PPP2R2B: variants seen among roughly 807,000 people sequenced by gnomAD.
PPP2R2B encodes the protein serine/threonine-protein phosphatase 2A 55 kDa regulatory subunit B beta isoform.
In PPP2R2B, 5 loss-of-function variants were observed where a neutral mutation model predicts 46.0. The observed-to-expected ratio is 0.11, with a 90% CI of 0.06 to 0.23. The LOEUF is 0.23. PPP2R2B is among the 10% of genes least tolerant of loss of function. The probability of loss-of-function intolerance (pLI) is 1.00; values close to 1 mark genes in which losing one functional copy is unlikely to be tolerated. For missense variants in PPP2R2B, 367 were observed against 575.0 expected, an observed-to-expected ratio of 0.64 and a Z score of 3.70; for synonymous variants, 215 against 206.7, an observed-to-expected ratio of 1.04 and a Z score of -0.34.
At chr5:146,878,766 C>T (rs1362166274), upstream of PPP2R2B, 15 of 892,686 alleles carry the variant, frequency 1.7e-5, no homozygotes, top group Non-Finnish European at 2.1e-5. The surrounding 1 kb of genome is among the most constrained non-coding windows in gnomAD (Gnocchi z 4.5). Flanking sequence ...CTGCAGGAGG[C>T]TGGAGGCGGC....
intron 2 of PPP2R2B, among the ~76,000 whole-genome samples, chr5:146,728,240 G>C (rs1752004442): frequency 7.0e-6 from 1 of 143,320 alleles, no homozygotes. Flanking sequence ...TGTTACCTAT[G>C]AGATCTCAGA....
chr5:147,057,032 T>C (rs931451179), upstream of PPP2R2B, among the ~76,000 whole-genome samples: 3 of 152,218 alleles, frequency 2.0e-5, no homozygotes, highest in African/African-American at 7.2e-5. Context: ...GAAAATCTGA[T>C]GGAATAATTT....
rs564044194 is a variant in PPP2R2B, at chr5:146,823,618, C to T, written c.70+54384G>A. 6.6e-4 allele frequency among the ~76,000 whole-genome samples: 101 copies of T among 152,182 alleles called. 1 individual carries two copies. The highest frequency in any genetic ancestry group is 2.4e-3 in the African/African-American group (101 of 41,526). On this transcript the variant is annotated intron_variant, in intron 2 of 9. Transcript: ENST00000394411. ...TAAAAATTATCTGGTAACCTCATTC[C>T]TAATGTCATAGTGCCACGTCCACTT...
intron 8 of PPP2R2B, among the ~76,000 whole-genome samples, chr5:146,593,750 A>G (rs1375656683): frequency 6.6e-6 from 1 of 152,154 alleles, no homozygotes; most frequent in Admixed American, 6.6e-5. Context: ...GGAATCCTGG[A>G]GGGAGTGTGG....
rs1414083508 is a variant in PPP2R2B, at chr5:146,848,884, C to T, written c.70+29118G>A. 3.3e-5 allele frequency among the ~76,000 whole-genome samples: 5 copies of T among 152,236 alleles called. No homozygotes were observed. The East Asian group carries it at 9.6e-4, about 29-fold the overall frequency. ...CTATTTATTCAATTATTTACTTATA[C>T]CAGTATGAATTTATGCATATTGATT... On this transcript the variant is annotated intron_variant, in intron 2 of 9. Transcript: ENST00000394411.
chr5:146,944,578 GC>G (rs1369880622), intron 1 of PPP2R2B, among the ~76,000 whole-genome samples: 5 of 152,102 alleles, frequency 3.3e-5, no homozygotes, highest in South Asian at 2.1e-4. Flanking sequence ...TCCTGAGAAA[GC>G]AGAATTGTGT....
At chr5:146,692,917 T>A (rs1244219245) in intron 4 of PPP2R2B, among the ~76,000 whole-genome samples, 1 of 152,188 alleles carries the variant, frequency 6.6e-6, no homozygotes, top group Non-Finnish European at 1.5e-5. Context: ...CCTTATCAGA[T>A]CCAGTGTACA....
At chr5:146,775,303 G>T (rs74869864) in intron 2 of PPP2R2B, among the ~76,000 whole-genome samples, 1 of 152,112 alleles carries the variant, frequency 6.6e-6, no homozygotes, top group African/African-American at 2.4e-5. Context: ...CTGAGCAAGT[G>T]AAATTTATCC....
chr5:146,772,189 A>G (rs1301185549), intron 2 of PPP2R2B, among the ~76,000 whole-genome samples: 1 of 152,042 alleles, frequency 6.6e-6, no homozygotes, highest in Non-Finnish European at 1.5e-5. Flanking sequence ...ATTGCTGATC[A>G]TAAAAGCAAG....
chr5:146,734,276 T>C (rs982898114), intron 2 of PPP2R2B, among the ~76,000 whole-genome samples: 1 of 152,062 alleles, frequency 6.6e-6, no homozygotes. Flanking sequence ...AGGCTGGTCT[T>C]GAACTCCCGG....
chr5:146,732,948 A>G (rs1283381850), intron 2 of PPP2R2B, among the ~76,000 whole-genome samples: 1 of 152,234 alleles, frequency 6.6e-6, no homozygotes, highest in African/African-American at 2.4e-5. Flanking sequence ...TTGCTGCTTC[A>G]GCAAAGTTGT....
intron 2 of PPP2R2B, among the ~76,000 whole-genome samples, chr5:147,075,517 T>TATGACTCATATATATACATACAA (rs1028290711): frequency 1.3e-5 from 2 of 152,154 alleles, no homozygotes; most frequent in Non-Finnish European, 2.9e-5. Flanking sequence ...AAGACATATA[T>TATGACTCATATATATACATACAA]ATGACTCATA....
intron 2 of PPP2R2B, among the ~76,000 whole-genome samples, chr5:147,075,427 A>T (rs1757733386): frequency 6.6e-6 from 1 of 152,126 alleles, no homozygotes; most frequent in African/African-American, 2.4e-5. Context: ...ATGTGATCTC[A>T]TTCAGTTCAT....
Position 146,589,817 on chromosome 5 carries a change from A to C in PPP2R2B, c.*130T>G. 2 of 1,023,718 alleles carry C rather than the reference A, an allele frequency of 2.0e-6. No homozygotes were observed. The highest frequency in any genetic ancestry group is 3.2e-5 in the South Asian group (2 of 62,766). 63.4% of individuals were successfully genotyped at this position (1,023,718 alleles called of 1,614,324 possible). ...GAGCTGGGAATGTTGGACTCCTTTT[A>C]ATTCTATTCCAATCATTTCCTGTAT... On this transcript the variant is annotated 3_prime_UTR_variant, in exon 10 of 10. Transcript: ENST00000394411.
At chr5:146,919,686 G>T (rs1264350149) in intron 1 of PPP2R2B, 2 of 152,162 alleles carry the variant, frequency 1.3e-5, no homozygotes, top group African/African-American at 4.8e-5. Context: ...GGACTCACCT[G>T]CCACAACTGG....
chr5:146,921,583 C>T (rs1763610535), intron 1 of PPP2R2B, among the ~76,000 whole-genome samples: 1 of 152,178 alleles, frequency 6.6e-6, no homozygotes, highest in African/African-American at 2.4e-5. Context: ...AAGATGTCAC[C>T]TAAAGTTAAA....
rs201624064 is a variant in PPP2R2B, at chr5:146,933,928, G to A, written c.79+121737C>T. On this transcript the variant is annotated intron_variant, in intron 1 of 8. Transcript: ENST00000336640. ...TTCCCACCTATGAGTGAGAACATGC[G>A]GTGTTTGGTTTTTTGTTCTTGTGAT... Among the ~76,000 whole-genome samples, 51 of 148,934 alleles carry A rather than the reference G, an allele frequency of 3.4e-4. 1 individual carries two copies. Among genetic ancestry groups the A allele is most frequent in the Admixed American group, 1.4e-3 (21 of 14,626 alleles).
chr5:146,751,770 A>C lies in PPP2R2B; in HGVS notation c.71-50628T>G, dbSNP rs1214512566. The stretch of plus-strand genomic sequence containing the variant: ...ATAGGGAATAATGGTGATTGCCCCC[A>C]GAGGGTGGGGGCAGGTCTTCTGGTG... On this transcript the variant is annotated intron_variant, in intron 2 of 9. Transcript: ENST00000394411. Among the ~76,000 whole-genome samples the C allele has an allele frequency of 3.9e-5, 6 of 152,198 alleles. No individual in the cohort carries two copies. The East Asian group carries it at 1.2e-3, about 29-fold the overall frequency.
At position 146,782,623 on chromosome 5, in the gene PPP2R2B, C is replaced by A. The variant is rs1016290737; in HGVS notation, c.71-81481G>T. 3.3e-5 allele frequency among the ~76,000 whole-genome samples: 5 copies of A among 152,152 alleles called. No homozygotes were observed. In the South Asian group the frequency reaches 1.0e-3, roughly 32 times the overall value. ...CATACATTGCAAAAGATATAATATT[C>A]TTCAAACCTAATACCTCAGTACTCA... On this transcript the variant is annotated intron_variant, in intron 2 of 9. Coordinates refer to ENST00000394411, the MANE Select transcript of PPP2R2B (RefSeq NM_181675.4).
Sources: gnomAD v4.1 joint callset for allele counts (sites outside exome capture counted in the v4.1 genomes callset) on GRCh38, gnomAD v4.1.1 for gene constraint, Gnocchi (gnomAD v3.1) non-coding constraint, MANE v1.5 for transcripts, NCBI Gene and HGNC (gene_info 2026-07-23, HGNC 2026-07-21) for gene names.